Variants in SPART observed in about 807,000 individuals in gnomAD.
SPART encodes spartin.
SPART carries 35 observed loss-of-function variants against 58.7 expected under a neutral mutation model. That is an observed-to-expected ratio of 0.60 (90% CI 0.46 to 0.79). The LOEUF is 0.79. Ranked by LOEUF, SPART falls within the 30% of genes least tolerant of loss-of-function variation. The probability of loss-of-function intolerance (pLI) is 0.00; values close to 1 mark genes in which losing one functional copy is unlikely to be tolerated. For synonymous variants in SPART, 284 were observed against 280.7 expected, an observed-to-expected ratio of 1.01 and a Z score of -0.12; for missense variants, 730 against 786.1, an observed-to-expected ratio of 0.93 and a Z score of 0.85.
Position 36,335,473 on chromosome 13 carries a change from T to C in SPART, c.358A>G (p.Lys120Glu), listed in dbSNP as rs374978886. The change falls in exon 2 of 9, where the codon AAA becomes GAA. Residue 120 changes from lysine to glutamate, a missense_variant. Transcript: ENST00000438666. Reference sequence around the variant, plus strand: ...TCTGGTAATTTTTCACACATGTCTTTAGGTGGAAATTCTGGATATAACTTG... The same window carrying C: ...TCTGGTAATTTTTCACACATGTCTTCAGGTGGAAATTCTGGATATAACTTG... ...VPKLYPEFPP[K>E]DMCEKLPEPQ... 3 of 1,614,066 alleles carry C rather than the reference T, an allele frequency of 1.9e-6. No individual in the cohort carries two copies. The highest frequency in any genetic ancestry group is 2.5e-6 in the Non-Finnish European group (3 of 1,180,038).
At position 36,302,071 on chromosome 13, in the gene SPART, T is replaced by C. The variant is rs528278041; in HGVS notation, c.*2294A>G. 2 of 152,244 alleles carry C rather than the reference T, an allele frequency of 1.3e-5. No homozygotes were observed. Among genetic ancestry groups the C allele is most frequent in the Admixed American group, 6.5e-5 (1 of 15,286 alleles). The allele number at this position is 152,244 out of a possible 1,614,324, so 9.4% of individuals were successfully genotyped here. ...AAACAGTATGTTTGGAGAACATACA[T>C]GTGTGATTAAAAAATGGCAAGGAAC... On this transcript the variant is annotated 3_prime_UTR_variant, in exon 9 of 9. Coordinates refer to ENST00000438666, the MANE Select transcript of SPART (RefSeq NM_015087.5).
intron 8 of SPART, among the ~76,000 whole-genome samples, chr13:36,309,542 A>C (rs1332562050): frequency 1.4e-5 from 2 of 146,784 alleles, no homozygotes; most frequent in African/African-American, 5.1e-5. Flanking sequence ...ACACCATGGA[A>C]TACTACACAG....
At chr13:36,361,874 C>T (rs1566150296) in intron 1 of SPART, among the ~76,000 whole-genome samples, 1 of 152,050 alleles carries the variant, frequency 6.6e-6, no homozygotes, top group Non-Finnish European at 1.5e-5. Flanking sequence ...GATATTTTTG[C>T]TCTTTGGTTT....
At chr13:36,367,872 A>C (rs1886126648) in intron 1 of SPART, among the ~76,000 whole-genome samples, 1 of 152,188 alleles carries the variant, frequency 6.6e-6, no homozygotes, top group Non-Finnish European at 1.5e-5. Flanking sequence ...ATAGACACAA[A>C]TATTAAACTC....
chr13:36,313,069 C>T (rs1881297039), intron 6 of SPART, among the ~76,000 whole-genome samples: 2 of 151,986 alleles, frequency 1.3e-5, no homozygotes, highest in Admixed American at 1.3e-4. Flanking sequence ...ATCTACCCAC[C>T]TCAAAACACC....
chr13:36,326,485 C>T (rs768319298), intron 5 of SPART, 90 bp downstream of exon 5: 1 of 1,506,540 alleles, frequency 6.6e-7, no homozygotes, highest in Admixed American at 1.7e-5. Flanking sequence ...AAAATATTAT[C>T]TTTCTCAGTA....
intron 5 of SPART, among the ~76,000 whole-genome samples, chr13:36,320,510 A>G (rs1882261995): frequency 6.6e-6 from 1 of 152,216 alleles, no homozygotes; most frequent in South Asian, 2.1e-4. Flanking sequence ...CCTGCCTCTT[A>G]GAACCTCTCA....
intron 5 of SPART, among the ~76,000 whole-genome samples, chr13:36,321,514 G>A (rs9602774): frequency 0.33 from 49,444 of 151,404 alleles, 9,032 homozygotes; most frequent in Non-Finnish European, 0.42. Context: ...CATTCTACAC[G>A]ACAAATGTTT....
intron 1 of SPART, among the ~76,000 whole-genome samples, chr13:36,337,184 G>A (rs928960436): frequency 3.3e-5 from 5 of 152,196 alleles, no homozygotes; most frequent in African/African-American, 1.2e-4. Flanking sequence ...GAAAATTACA[G>A]AGATAAATAA....
At chr13:36,347,157 C>A (rs200828145), upstream of SPART, among the ~76,000 whole-genome samples, 1 of 142,838 alleles carries the variant, frequency 7.0e-6, no homozygotes, top group Non-Finnish European at 1.6e-5. Flanking sequence ...GAAAAAAAAA[C>A]AGAAAAAAGA....
At chr13:36,326,254 G>A in intron 5 of SPART, 1 of 353,962 alleles carries the variant, frequency 2.8e-6, no homozygotes, top group Non-Finnish European at 5.4e-6. Flanking sequence ...GGTAGGGGGA[G>A]GTTAAGAGGG....
chr13:36,312,536 C>T (rs1250248390), intron 6 of SPART, 59 bp from the exon 7 acceptor site: 3 of 1,505,276 alleles, frequency 2.0e-6, no homozygotes. Flanking sequence ...TTGATTTTTA[C>T]CACTCATCTT....
chr13:36,332,794 T>C (rs1883576232), intron 2 of SPART, among the ~76,000 whole-genome samples: 1 of 152,152 alleles, frequency 6.6e-6, no homozygotes, highest in South Asian at 2.1e-4. Context: ...GTGCTCAACA[T>C]CAAAACAGTC....
rs1427941586 is a variant in SPART at position 36,326,612 on chromosome 13, A to G, written c.1251T>C (p.Pro417=). 1 of 1,613,608 alleles carries G rather than the reference A, an allele frequency of 6.2e-7. No homozygotes were observed. The highest frequency in any genetic ancestry group is 1.1e-5 in the South Asian group (1 of 91,074). ...TGTGAGCCACTTTTTCACTCCATTC[A>G]GGTAATTCTTTTGGCTTTTCTTCTG... ...PVPEEKPKEL[P]EWSEKVAHNI... Residue 417 remains proline (P), a synonymous_variant, in exon 5 of 9, where the codon CCT becomes CCC. Coordinates refer to ENST00000438666, the MANE Select transcript of SPART (RefSeq NM_015087.5).
At chr13:36,308,736 A>C (rs1880769587) in intron 8 of SPART, among the ~76,000 whole-genome samples, 2 of 152,126 alleles carry the variant, frequency 1.3e-5, no homozygotes, top group South Asian at 2.1e-4. Flanking sequence ...TTTTGGCCTG[A>C]AAGGCATTTC....
intron 1 of SPART, among the ~76,000 whole-genome samples, chr13:36,359,841 G>A (rs1885767590): frequency 6.9e-6 from 1 of 145,838 alleles, no homozygotes; most frequent in African/African-American, 2.5e-5. Flanking sequence ...GGTAATGATA[G>A]TAACTGCTTC....
chr13:36,332,288 G>C (rs949735568), intron 2 of SPART, among the ~76,000 whole-genome samples: 5 of 152,276 alleles, frequency 3.3e-5, no homozygotes, highest in South Asian at 2.1e-4. Context: ...TTTGAGGTCA[G>C]GAGTTCAAGA....
chr13:36,364,212 A>G (rs1419932004), intron 1 of SPART, among the ~76,000 whole-genome samples: 1 of 152,210 alleles, frequency 6.6e-6, no homozygotes, highest in Non-Finnish European at 1.5e-5. Context: ...TCTCCAATGT[A>G]TAACGTTAAC....
At chr13:36,319,877 G>A (rs1882185787) in intron 5 of SPART, among the ~76,000 whole-genome samples, 1 of 151,562 alleles carries the variant, frequency 6.6e-6, no homozygotes, top group African/African-American at 2.4e-5. Flanking sequence ...ACCTATCTCG[G>A]CATAATTCTC....
Sources: allele counts gnomAD v4.1 joint callset (sites outside exome capture counted in the v4.1 genomes callset), GRCh38; gene constraint gnomAD v4.1.1; transcripts MANE v1.5; gene names NCBI Gene and HGNC (gene_info 2026-07-23, HGNC 2026-07-21).